The following ZNF264 variants were observed in gnomAD, a reference collection of about 807,000 sequenced individuals.
ZNF264 encodes zinc finger protein 264.
A neutral mutation model predicts 11.2 loss-of-function variants in ZNF264; 11 were observed. The observed-to-expected ratio is 0.98, with a 90% CI of 0.62 to 1.63. ZNF264 has a LOEUF of 1.63. Among genes scored for constraint, ZNF264 ranks in the 40% most tolerant of loss-of-function variants. ZNF264 has a pLI of 0.00. For missense variants in ZNF264, 752 were observed against 768.1 expected, an observed-to-expected ratio of 0.98 and a Z score of 0.25; for synonymous variants, 309 against 279.8, an observed-to-expected ratio of 1.10 and a Z score of -1.04.
At chr19:57,199,586 C>A (rs1599947183) in intron 2 of ZNF264, among the ~76,000 whole-genome samples, 1 of 151,924 alleles carries the variant, frequency 6.6e-6, no homozygotes, top group African/African-American at 2.4e-5. Context: ...GAGCCCAAAT[C>A]AATAAATTCA....
Position 57,211,768 on chromosome 19 carries a change from T to C in ZNF264, c.671T>C (p.Ile224Thr), listed in dbSNP as rs1475016289. Residue 224 changes from isoleucine to threonine, a missense_variant, in exon 4 of 4, where the codon ATT (isoleucine) becomes ACT (threonine). Coordinates refer to ENST00000263095, the MANE Select transcript of ZNF264 (RefSeq NM_003417.5). ...KKHLLAGHEK[I>T]HSGVKPYECT... ...CACCTCCTTGCTGGACATGAGAAAA[T>C]TCACTCTGGAGTTAAGCCCTATGAA... 1 of 1,614,172 alleles carries C rather than the reference T, an allele frequency of 6.2e-7. No individual in the cohort carries two copies. The highest frequency in any genetic ancestry group is 1.1e-5 in the South Asian group (1 of 91,082).
In ZNF264 at chr19:57,220,404, G is replaced by A. The variant is rs1486869392; in HGVS notation, c.*7423G>A. ...GAGTGGGAAAACTGAGTAGGGAAGC[G>A]GTAAGACATGCATCTGGCTTTAGGA... On this transcript the variant is annotated 3_prime_UTR_variant, in exon 4 of 4. Coordinates refer to ENST00000263095, the MANE Select transcript of ZNF264 (RefSeq NM_003417.5). 2.0e-5 allele frequency: 3 copies of A among 152,094 alleles called. No individual in the cohort carries two copies. Among genetic ancestry groups the A allele is most frequent in the Admixed American group, 2.0e-4 (3 of 15,266 alleles). 9.4% of individuals were successfully genotyped at this position (152,094 alleles called of 1,614,324 possible). A position where few individuals can be genotyped will look rare whatever the true frequency, so the allele number is the denominator to read the frequency against.
intron 3 of ZNF264, among the ~76,000 whole-genome samples, chr19:57,210,212 C>T (rs2087324376): frequency 6.6e-6 from 1 of 152,098 alleles, no homozygotes; most frequent in Non-Finnish European, 1.5e-5. Flanking sequence ...AACTCTTCTT[C>T]ACAAGCATAG....
In ZNF264 at chr19:57,203,037, A is replaced by G. The variant is rs561203751; in HGVS notation, c.161-2360A>G. Among the ~76,000 whole-genome samples the G allele has an allele frequency of 2.7e-3, 415 of 152,320 alleles. 1 individual carries two copies. Among genetic ancestry groups the G allele is most frequent in the African/African-American group, 9.5e-3 (393 of 41,576 alleles). ...GGGAAAACCCCCCACACATTTGGTC[A>G]TAGAAGTCTTGTTCTGTATTGTCAT... On this transcript the variant is annotated intron_variant, in intron 2 of 3. Transcript: ENST00000263095.
chr19:57,205,308 G>A, intron 2 of ZNF264, 89 bp from the exon 3 acceptor site: 2 of 1,261,802 alleles, frequency 1.6e-6, no homozygotes, highest in South Asian at 2.6e-5. Flanking sequence ...TCCAAGGTCT[G>A]GTCTCCATCC....
chr19:57,200,560 CTTG>C, intron 2 of ZNF264, among the ~76,000 whole-genome samples: 1 of 93,582 alleles, frequency 1.1e-5, no homozygotes, highest in Non-Finnish European at 2.6e-5. Context: ...TGTCTTGTGT[CTTG>C]TCTTGTCTTG....
rs1437582035 is a variant in ZNF264, at chr19:57,212,888, A to G, written c.1791A>G (p.Val597=). 1.2e-6 allele frequency: 2 copies of G among 1,614,222 alleles called. No individual in the cohort carries two copies. Among genetic ancestry groups the G allele is most frequent in the Non-Finnish European group, 8.5e-7 (1 of 1,180,026 alleles). The part of the protein sequence containing the change: ...ELLLGKDFLN[V]TTEANILPEE... ...TTTTAGGGAAGGACTTTTTGAATGT[A>G]ACCACTGAGGCAAATATTTTGCCAG... Residue 597 remains valine (V), a synonymous_variant, in exon 4 of 4, where the codon GTA becomes GTG. Transcript: ENST00000263095.
chr19:57,205,355 T>C (rs2087283950), intron 2 of ZNF264, 42 bp from the exon 3 acceptor site: 1 of 1,558,234 alleles, frequency 6.4e-7, no homozygotes, highest in South Asian at 1.2e-5. Flanking sequence ...TTTATTTCTT[T>C]TCACCCACAT....
rs2087403522 is a variant in ZNF264, at chr19:57,219,674, T to C, written c.*6693T>C. 1.3e-5 allele frequency: 2 copies of C among 152,250 alleles called. No homozygotes were observed. The highest frequency in any genetic ancestry group is 4.8e-5 in the African/African-American group (2 of 41,464). 9.4% of individuals were successfully genotyped at this position (152,250 alleles called of 1,614,324 possible). ...TCTTCCTTCCAACTCTTAAACATTT[T>C]TGTTTCCCAGAATCCATCATTGGCC... On this transcript the variant is annotated 3_prime_UTR_variant, in exon 4 of 4. Transcript: ENST00000263095.
At chr19:57,210,860 C>T (rs1431107358) in intron 3 of ZNF264, among the ~76,000 whole-genome samples, 1 of 152,150 alleles carries the variant, frequency 6.6e-6, no homozygotes, top group Non-Finnish European at 1.5e-5. Flanking sequence ...TTGGGTCCCA[C>T]CATAAGTAAA....
At chr19:57,205,149 T>G (rs955092108) in intron 2 of ZNF264, among the ~76,000 whole-genome samples, 1 of 141,292 alleles carries the variant, frequency 7.1e-6, no homozygotes, top group African/African-American at 2.5e-5. Flanking sequence ...AAAGAGTCAA[T>G]ATTTAATATT....
rs1248726393 is a variant in ZNF264 at position 57,216,711 on chromosome 19, G to A, written c.*3730G>A. 3 of 152,056 alleles carry A rather than the reference G, an allele frequency of 2.0e-5. No individual in the cohort carries two copies. The highest frequency in any genetic ancestry group is 2.1e-4 in the South Asian group (1 of 4,830). The allele number at this position is 152,056 out of a possible 1,614,324, so 9.4% of individuals were successfully genotyped here. A position where few individuals can be genotyped will look rare whatever the true frequency, so the allele number is the denominator to read the frequency against. On this transcript the variant is annotated 3_prime_UTR_variant, in exon 4 of 4. Transcript: ENST00000263095. Reference sequence around the variant, plus strand: ...TGCTTTTTTTATTCATTCTGCATATGTCTCTCTTAATTGGTATGTTGAAAT... The same window carrying A: ...TGCTTTTTTTATTCATTCTGCATATATCTCTCTTAATTGGTATGTTGAAAT...
intron 2 of ZNF264, among the ~76,000 whole-genome samples, chr19:57,199,394 T>G (rs2087235187): frequency 6.6e-6 from 1 of 151,848 alleles, no homozygotes; most frequent in Admixed American, 6.6e-5. Flanking sequence ...TACTCCATCA[T>G]CCCAATCTCC....
At chr19:57,204,080 G>A (rs1001251461) in intron 2 of ZNF264, among the ~76,000 whole-genome samples, 1 of 152,064 alleles carries the variant, frequency 6.6e-6, no homozygotes, top group African/African-American at 2.4e-5. Context: ...CCAGCTCCTC[G>A]GGAGGCTGAG....
rs1256669185 is a variant in ZNF264, at chr19:57,216,370, C to G, written c.*3389C>G. On this transcript the variant is annotated 3_prime_UTR_variant, in exon 4 of 4. Transcript: ENST00000263095. ...TGTCTCAACAACAACAACAAAAAGT[C>G]CTGAACATGATTGTGGAAGTGTGTT... The G allele has an allele frequency of 2.0e-5, 3 of 152,332 alleles. No individual in the cohort carries two copies. In the East Asian group the frequency reaches 5.8e-4, roughly 29 times the overall value. The allele number at this position is 152,332 out of a possible 1,614,324, so 9.4% of individuals were successfully genotyped here.
chr19:57,203,723 C>G (rs1487012462), intron 2 of ZNF264, among the ~76,000 whole-genome samples: 1 of 152,108 alleles, frequency 6.6e-6, no homozygotes, highest in East Asian at 1.9e-4. Flanking sequence ...ATCACTGAAC[C>G]TGCCCCTCCC....
In ZNF264 at chr19:57,195,057, A is replaced by G. The variant is rs555228812; in HGVS notation, c.160+1056A>G. ...GGGAAGCCTTCAACATGGGCCAGGC[A>G]CCTAGCTGGACCTAGCTGTTAACCA... On this transcript the variant is annotated intron_variant, in intron 2 of 3. Coordinates refer to ENST00000263095, the MANE Select transcript of ZNF264 (RefSeq NM_003417.5). 3.0e-5 allele frequency: 11 copies of G among 361,594 alleles called. No homozygotes were observed. In the South Asian group the frequency reaches 1.2e-3, roughly 40 times the overall value. 22.4% of individuals were successfully genotyped at this position (361,594 alleles called of 1,614,324 possible).
chr19:57,213,106 C>A lies in ZNF264; in HGVS notation c.*125C>A. The A allele has an allele frequency of 1.1e-6, 1 of 891,518 alleles. No homozygotes were observed. The highest frequency in any genetic ancestry group is 1.6e-6 in the Non-Finnish European group (1 of 611,270). The allele number at this position is 891,518 out of a possible 1,614,324, so 55.2% of individuals were successfully genotyped here. A position where few individuals can be genotyped will look rare whatever the true frequency, so the allele number is the denominator to read the frequency against. On this transcript the variant is annotated 3_prime_UTR_variant, in exon 4 of 4. Transcript: ENST00000263095. ...AGAGAGACCCAGTGGTTATTGTGCA[C>A]ATAGGAGAACCTTCAGCTGCATCTT...
chr19:57,208,853 A>G (rs138039194), intron 3 of ZNF264, among the ~76,000 whole-genome samples: 5 of 152,166 alleles, frequency 3.3e-5, no homozygotes, highest in Non-Finnish European at 7.3e-5. Flanking sequence ...AGGCTTATCA[A>G]TGTTTGCTCA....
Sources: gnomAD v4.1 joint callset for allele counts (sites outside exome capture counted in the v4.1 genomes callset) on GRCh38, gnomAD v4.1.1 for gene constraint, MANE v1.5 for transcripts, NCBI Gene and HGNC (gene_info 2026-07-23, HGNC 2026-07-21) for gene names.